Variants in ADGRL3 observed in about 807,000 individuals in gnomAD.
ADGRL3 encodes the protein calcium-independent alpha-latrotoxin receptor 3.
Under a neutral mutation model 153.5 loss-of-function variants are expected in ADGRL3, and 62 were observed. The observed-to-expected ratio is 0.40, with a 90% CI of 0.33 to 0.50. The LOEUF is 0.50. Among genes scored for constraint, ADGRL3 ranks in the 20% least tolerant of loss-of-function variants. ADGRL3 has a pLI of 0.47. For synonymous variants in ADGRL3, 710 were observed against 672.5 expected (o/e 1.06, Z -0.86); for missense variants, 1,641 against 1,859.4 (o/e 0.88, Z 2.16).
At chr4:62,017,896 T>C (rs1466406214) in intron 21 of ADGRL3, among the ~76,000 whole-genome samples, 2 of 152,106 alleles carry the variant, frequency 1.3e-5, no homozygotes, top group African/African-American at 2.4e-5. Context: ...TTCTTGTTTC[T>C]ATTTTGAGAT....
At position 61,927,324 on chromosome 4, in the gene ADGRL3, A is replaced by T. The variant is rs568072549; in HGVS notation, c.2113-7516A>T. Among the ~76,000 whole-genome samples, 18 of 152,212 alleles carry T rather than the reference A, an allele frequency of 1.2e-4. No homozygotes were observed. In the East Asian group the frequency reaches 1.9e-3, roughly 16 times the overall value. On this transcript the variant is annotated intron_variant, in intron 13 of 26. Coordinates refer to ENST00000683033, the MANE Select transcript of ADGRL3 (RefSeq NM_001387552.1). ...CATTCTAAAGTAGAATTAAAAAGTG[A>T]TACGATCAAATACAGTTTGCAAAAA...
intron 1 of ADGRL3, among the ~76,000 whole-genome samples, chr4:61,312,608 A>G (rs1365860583): frequency 1.3e-5 from 2 of 152,238 alleles, no homozygotes; most frequent in African/African-American, 4.8e-5. Flanking sequence ...CTCACCACAG[A>G]AGATATACAG....
At chr4:61,568,451 C>A (rs181662449) in intron 4 of ADGRL3, among the ~76,000 whole-genome samples, 2 of 152,198 alleles carry the variant, frequency 1.3e-5, no homozygotes, top group Admixed American at 1.3e-4. Flanking sequence ...TAACTACCCC[C>A]ACTATGGTAC....
At chr4:61,860,074 C>G (rs2098325108) in intron 9 of ADGRL3, among the ~76,000 whole-genome samples, 2 of 152,210 alleles carry the variant, frequency 1.3e-5, no homozygotes, top group South Asian at 4.1e-4. Flanking sequence ...TGTTTTGAAA[C>G]AAAGCTTCTG....
chr4:61,932,771 T>C (rs2098822918), intron 13 of ADGRL3, among the ~76,000 whole-genome samples: 1 of 152,120 alleles, frequency 6.6e-6, no homozygotes, highest in Admixed American at 6.5e-5. Flanking sequence ...TGTAGAAAAA[T>C]TGAGTAGAAT....
At chr4:61,855,694 G>A (rs1283562848) in intron 9 of ADGRL3, among the ~76,000 whole-genome samples, 1 of 151,820 alleles carries the variant, frequency 6.6e-6, no homozygotes, top group East Asian at 1.9e-4. Flanking sequence ...AGTTCCATGA[G>A]GATTATGAGC....
intron 5 of ADGRL3, among the ~76,000 whole-genome samples, chr4:61,660,738 C>T (rs140647444): frequency 7.9e-5 from 12 of 152,162 alleles, no homozygotes; most frequent in South Asian, 4.2e-4. Context: ...GTGATTTTTA[C>T]AGTGCTAAGA....
intron 9 of ADGRL3, among the ~76,000 whole-genome samples, chr4:61,840,134 C>A (rs1195908775): frequency 6.6e-6 from 1 of 152,150 alleles, no homozygotes; most frequent in Non-Finnish European, 1.5e-5. Context: ...GGCTGGAACA[C>A]AGTGGTGCAA....
intron 24 of ADGRL3, among the ~76,000 whole-genome samples, chr4:62,038,907 T>C (rs1414436112): frequency 1.3e-5 from 2 of 152,096 alleles, no homozygotes; most frequent in Admixed American, 6.6e-5. Flanking sequence ...CCCAGACTAG[T>C]GTTTTTAAGA....
chr4:61,643,004 G>A (rs371649955), intron 5 of ADGRL3, among the ~76,000 whole-genome samples: 29 of 152,160 alleles, frequency 1.9e-4, no homozygotes, highest in East Asian at 1.7e-3. Flanking sequence ...GGTCCTTCAC[G>A]TCCCTTGTAA....
chr4:61,824,056 C>A lies in ADGRL3; in HGVS notation c.1480+10167C>A, dbSNP rs111238128. On this transcript the variant is annotated intron_variant, in intron 9 of 26. Transcript: ENST00000683033. ...CAGTCTGGGCGACAGAGCGAGAATC[C>A]GTCTCAAAAAAAAAAGTAATCTTTA... Among the ~76,000 whole-genome samples, 95 of 103,218 alleles carry A rather than the reference C, an allele frequency of 9.2e-4. No individual in the cohort carries two copies. The Middle Eastern group carries it at 0.012, about 13-fold the overall frequency. 67.7% of individuals were successfully genotyped at this position (103,218 alleles called of 152,430 possible). A position where few individuals can be genotyped will look rare whatever the true frequency, so the allele number is the denominator to read the frequency against.
At chr4:61,866,978 C>T (rs987214380) in intron 9 of ADGRL3, among the ~76,000 whole-genome samples, 15 of 152,090 alleles carry the variant, frequency 9.9e-5, no homozygotes, top group East Asian at 5.8e-4. Flanking sequence ...ATGCACAGAC[C>T]GTATAAGGAT....
chr4:61,620,119 C>G (rs900613436), intron 5 of ADGRL3, among the ~76,000 whole-genome samples: 17 of 150,912 alleles, frequency 1.1e-4, no homozygotes, highest in African/African-American at 3.9e-4. Context: ...TAAAAAAATG[C>G]GAGGGTATCT....
intron 9 of ADGRL3, among the ~76,000 whole-genome samples, chr4:61,874,598 T>C (rs951161500): frequency 2.7e-5 from 1 of 37,502 alleles, no homozygotes; most frequent in African/African-American, 9.2e-5. Flanking sequence ...TTGCATGTGT[T>C]TTTTTTTTTT....
chr4:61,839,038 G>T (rs2097981732), intron 9 of ADGRL3, among the ~76,000 whole-genome samples: 1 of 152,108 alleles, frequency 6.6e-6, no homozygotes, highest in African/African-American at 2.4e-5. Flanking sequence ...AACTTGGGTA[G>T]GGTGGAGCAA....
chr4:61,551,121 G>A (rs1313958936), intron 4 of ADGRL3, among the ~76,000 whole-genome samples: 1 of 152,010 alleles, frequency 6.6e-6, no homozygotes, highest in Non-Finnish European at 1.5e-5. Context: ...CTGATCCAAG[G>A]GTGACTGTGA....
intron 5 of ADGRL3, among the ~76,000 whole-genome samples, chr4:61,648,532 TTC>T (rs2150348095): frequency 6.6e-6 from 1 of 151,762 alleles, no homozygotes; most frequent in South Asian, 2.1e-4. Flanking sequence ...TTGTTTTTTT[TTC>T]TGTTTCTTTT....
chr4:61,903,650 CAA>C (rs55879235), intron 11 of ADGRL3, among the ~76,000 whole-genome samples: 1 of 72,342 alleles, frequency 1.4e-5, no homozygotes, highest in Non-Finnish European at 2.2e-5. Context: ...TGGGAAACAG[CAA>C]AAAAAAAAAA....
At chr4:61,234,632 G>A (rs1165963814) in intron 1 of ADGRL3, among the ~76,000 whole-genome samples, 4 of 152,188 alleles carry the variant, frequency 2.6e-5, no homozygotes, top group Non-Finnish European at 4.4e-5. Flanking sequence ...TATAGTCAGT[G>A]AGCCTGGAGG....
Sources: gnomAD v4.1 joint callset for allele counts (sites outside exome capture counted in the v4.1 genomes callset) on GRCh38, gnomAD v4.1.1 for gene constraint, MANE v1.5 for transcripts, NCBI Gene and HGNC (gene_info 2026-07-23, HGNC 2026-07-21) for gene names.